AADAT: variants seen among roughly 807,000 people sequenced by gnomAD.
AADAT encodes the protein aminoadipate aminotransferase.
Under a neutral mutation model 56.2 loss-of-function variants are expected in AADAT, and 25 were observed. The ratio of observed to expected loss-of-function variants is 0.44; its 90% CI spans 0.32 to 0.62. The LOEUF is 0.62. Ranked by LOEUF, AADAT falls within the 20% of genes least tolerant of loss-of-function variation. The pLI, the probability that AADAT is intolerant of heterozygous loss-of-function variation, is 0.04. For missense variants in AADAT, 387 were observed against 510.5 expected (o/e 0.76, Z 2.33); for synonymous variants, 173 against 164.7 (o/e 1.05, Z -0.39).
At chr4:170,089,010 G>A (rs552072339) in intron 1 of AADAT, among the ~76,000 whole-genome samples, 141 of 152,314 alleles carry the variant, frequency 9.3e-4, no homozygotes, top group African/African-American at 3.3e-3. Context: ...TAATTCTATT[G>A]TTCATAAATT....
At chr4:170,064,925 A>G in intron 10 of AADAT, 100 bp from the exon 11 acceptor site, 1 of 965,168 alleles carries the variant, frequency 1.0e-6, no homozygotes, top group Non-Finnish European at 1.5e-6. Flanking sequence ...AGTAGAAACT[A>G]GTATTCCTAA....
At chr4:170,086,352 C>T (rs538384946) in intron 3 of AADAT, among the ~76,000 whole-genome samples, 39 of 152,036 alleles carry the variant, frequency 2.6e-4, no homozygotes, top group African/African-American at 8.7e-4. Context: ...TGTGGAGTTC[C>T]CGGAACCCAG....
intron 11 of AADAT, among the ~76,000 whole-genome samples, chr4:170,062,889 T>C (rs1463527407): frequency 5.9e-5 from 9 of 152,220 alleles, no homozygotes. Flanking sequence ...TGAATCACTG[T>C]TGGAACACAG....
At chr4:170,084,165 T>C (rs1005202691) in intron 3 of AADAT, among the ~76,000 whole-genome samples, 3 of 152,096 alleles carry the variant, frequency 2.0e-5, no homozygotes, top group African/African-American at 7.2e-5. Context: ...TTCTCCCTCA[T>C]CTGTGGGAGC....
At chr4:170,091,141 G>C (rs1481318554), upstream of AADAT, among the ~76,000 whole-genome samples, 4 of 152,238 alleles carry the variant, frequency 2.6e-5, no homozygotes, top group African/African-American at 9.6e-5. Flanking sequence ...CGCTTGAGGG[G>C]CCCTTCAGCC....
intron 3 of AADAT, 103 bp from the exon 4 acceptor site, chr4:170,078,686 A>G: frequency 9.0e-6 from 6 of 667,988 alleles, no homozygotes; most frequent in Non-Finnish European, 1.5e-5. Flanking sequence ...GTTCTAGAGT[A>G]AGAATTAGCA....
At chr4:170,084,634 C>A (rs1732465536) in intron 3 of AADAT, among the ~76,000 whole-genome samples, 1 of 152,166 alleles carries the variant, frequency 6.6e-6, no homozygotes, top group South Asian at 2.1e-4. Flanking sequence ...ACTTTAACAA[C>A]CCACATCTCA....
At chr4:170,064,427 G>A (rs1204264512) in intron 11 of AADAT, among the ~76,000 whole-genome samples, 1 of 152,222 alleles carries the variant, frequency 6.6e-6, no homozygotes, top group East Asian at 1.9e-4. Flanking sequence ...CTAAGGGGTG[G>A]TGCTGGGATT....
upstream of AADAT, among the ~76,000 whole-genome samples, chr4:170,093,832 A>C (rs930479609): frequency 1.3e-5 from 2 of 152,228 alleles, no homozygotes; most frequent in Non-Finnish European, 2.9e-5. Flanking sequence ...TCCTGGCTTC[A>C]AGTAGTCCTC....
In AADAT at chr4:170,071,204, C is replaced by T. The variant is rs539269336; in HGVS notation, c.655-552G>A. 6.6e-5 allele frequency among the ~76,000 whole-genome samples: 10 copies of T among 152,350 alleles called. No homozygotes were observed. The South Asian group carries it at 8.3e-4, about 13-fold the overall frequency. On this transcript the variant is annotated intron_variant, in intron 5 of 12. Transcript: ENST00000337664. ...CTGGGATTACAGGCGTGAGCCACTG[C>T]GCCCAGCTAGATGGGTGGCTTTTAA...
At chr4:170,069,495 G>A (rs1233310311) in intron 6 of AADAT, among the ~76,000 whole-genome samples, 1 of 152,136 alleles carries the variant, frequency 6.6e-6, no homozygotes, top group East Asian at 1.9e-4. Context: ...ATGAACTTAA[G>A]GAAACTTCAA....
At position 170,073,519 on chromosome 4, in the gene AADAT, T is replaced by G. The variant is rs182878412; in HGVS notation, c.445-174A>C. Among the ~76,000 whole-genome samples the G allele has an allele frequency of 1.9e-3, 282 of 152,068 alleles. 2 individuals carry two copies. The highest frequency in any genetic ancestry group is 3.1e-3 in the Non-Finnish European group (214 of 67,960). Reference sequence around the variant, plus strand: ...AGGTTACACATTTATTTATTTTTTTTTTTGAGATGGAGTCTCGCTCTGTCA... The same window carrying G: ...AGGTTACACATTTATTTATTTTTTTGTTTGAGATGGAGTCTCGCTCTGTCA... On this transcript the variant is annotated intron_variant, in intron 4 of 12. Transcript: ENST00000337664.
intron 1 of AADAT, chr4:170,089,303 C>T: frequency 1.8e-6 from 1 of 549,454 alleles, no homozygotes; most frequent in South Asian, 1.6e-5. Flanking sequence ...CTGTGCATGC[C>T]CCTTCTCAGC....
In AADAT at chr4:170,061,409, A is replaced by T. The variant is rs559135679; in HGVS notation, c.1237-440T>A. Among the ~76,000 whole-genome samples the T allele has an allele frequency of 4.6e-5, 7 of 152,242 alleles. 1 individual carries two copies. In the South Asian group the frequency reaches 1.0e-3, roughly 23 times the overall value. ...TGTCCCTTTCCAAGGATAAATATAA[A>T]CTCTTCTCAAGGTTAATGGCACTGT... On this transcript the variant is annotated intron_variant, in intron 12 of 12. Coordinates refer to ENST00000337664, the MANE Select transcript of AADAT (RefSeq NM_016228.4).
At chr4:170,073,469 A>C (rs550519757) in intron 4 of AADAT, 124 bp from the exon 5 acceptor site, 59 of 798,392 alleles carry the variant, frequency 7.4e-5, no homozygotes, top group Admixed American at 8.9e-5. Context: ...TAAACCCGCA[A>C]CCAGCTCTGA....
At position 170,061,947 on chromosome 4, in the gene AADAT, G is replaced by C; in HGVS notation, c.1181C>G (p.Pro394Arg). 6.2e-7 allele frequency: 1 copy of C among 1,613,292 alleles called. No individual in the cohort carries two copies. The highest frequency in any genetic ancestry group is 8.5e-7 in the Non-Finnish European group (1 of 1,179,530). ...GAAGGATGCTCTCAAGTAAGGGCTA[G>C]GAGCTGAGCTATCGACGTAGAAAGC... The part of the protein sequence containing the change: ...GNAFYVDSSA[P>R]SPYLRASFSS... Residue 394 changes from proline to arginine, a missense_variant, in exon 12 of 13, where the codon CCT (proline) becomes CGT (arginine). By Grantham distance (103) the Pro-to-Arg change is moderately radical (BLOSUM62 -2). Transcript: ENST00000337664.
chr4:170,065,417 A>T (rs982926941), intron 10 of AADAT, among the ~76,000 whole-genome samples: 5 of 152,174 alleles, frequency 3.3e-5, no homozygotes, highest in African/African-American at 9.7e-5. Flanking sequence ...CTATCTTTTT[A>T]AAAAAAGAAC....
At chr4:170,062,427 C>A (rs1731238188) in intron 11 of AADAT, among the ~76,000 whole-genome samples, 1 of 152,226 alleles carries the variant, frequency 6.6e-6, no homozygotes, top group East Asian at 1.9e-4. Context: ...AGGCAAAAAG[C>A]AGGGAGCAGT....
intron 6 of AADAT, 47 bp from the exon 7 acceptor site, chr4:170,069,277 G>C (rs1206772854): frequency 1.4e-6 from 2 of 1,461,644 alleles, no homozygotes. Context: ...AGCTCTGTTA[G>C]TCACTGTACG....
Sources: gnomAD v4.1 joint callset for allele counts (sites outside exome capture counted in the v4.1 genomes callset) on GRCh38, gnomAD v4.1.1 for gene constraint, MANE v1.5 for transcripts, NCBI Gene and HGNC (gene_info 2026-07-23, HGNC 2026-07-21) for gene names.